Variants in HDAC9 observed in about 807,000 individuals in gnomAD.
HDAC9 encodes the protein histone deacetylase 9.
HDAC9 carries 41 observed loss-of-function variants against 139.4 expected under a neutral mutation model. The ratio of observed to expected loss-of-function variants is 0.29; its 90% CI spans 0.23 to 0.38. The LOEUF (loss-of-function observed/expected upper bound fraction) is 0.38, where lower values mean the gene tolerates loss of function less well. Ranked by LOEUF, HDAC9 falls within the 10% of genes least tolerant of loss-of-function variation. The pLI is 1.00. For missense variants in HDAC9, 1,147 were observed against 1,297.0 expected (o/e 0.88, Z 1.78); for synonymous variants, 517 against 476.2 (o/e 1.09, Z -1.12).
intron 2 of HDAC9, among the ~76,000 whole-genome samples, chr7:18,168,873 T>A (rs111388066): frequency 2.6e-4 from 35 of 135,934 alleles, no homozygotes; most frequent in African/African-American, 1.0e-3. Flanking sequence ...GAGGTGCAAA[T>A]GTCTTGTTTT....
At chr7:18,487,499 C>G (rs939177658) in intron 1 of HDAC9, among the ~76,000 whole-genome samples, 14 of 151,928 alleles carry the variant, frequency 9.2e-5, no homozygotes, top group African/African-American at 3.1e-4. Context: ...GTTCTTGGCA[C>G]TGAAATAAGA....
intron 6 of HDAC9, among the ~76,000 whole-genome samples, chr7:18,604,089 G>A (rs754358346): frequency 2.0e-5 from 3 of 151,926 alleles, no homozygotes; most frequent in Non-Finnish European, 2.9e-5. Flanking sequence ...GATATGTCTC[G>A]ATACTGAGTT....
At chr7:18,554,422 A>G (rs1318244036) in intron 2 of HDAC9, among the ~76,000 whole-genome samples, 4 of 127,598 alleles carry the variant, frequency 3.1e-5, no homozygotes, top group African/African-American at 1.2e-4. Flanking sequence ...TGCAAGCTCC[A>G]CCTCCTGGGT....
At chr7:18,484,073 A>G (rs976099188) in intron 1 of HDAC9, among the ~76,000 whole-genome samples, 49 of 150,780 alleles carry the variant, frequency 3.2e-4, no homozygotes, top group African/African-American at 1.1e-3. Flanking sequence ...GGGGCTGGGC[A>G]TGGTGGCCAC....
chr7:18,140,208 G>A (rs980300240), intron 1 of HDAC9, among the ~76,000 whole-genome samples: 3 of 152,040 alleles, frequency 2.0e-5, no homozygotes, highest in African/African-American at 7.2e-5. Context: ...CTTCTACCTG[G>A]GAAAGGACCT....
chr7:18,908,033 A>G (rs1383147397), intron 22 of HDAC9, among the ~76,000 whole-genome samples: 1 of 152,148 alleles, frequency 6.6e-6, no homozygotes, highest in East Asian at 1.9e-4. Context: ...GCCTCTTACA[A>G]TATAGTAGAA....
At chr7:18,162,633 A>G (rs1449650311) in intron 2 of HDAC9, 5 of 426,566 alleles carry the variant, frequency 1.2e-5, no homozygotes, top group Non-Finnish European at 2.1e-5. Context: ...TGAAGTTATG[A>G]ATATGAACTA....
At chr7:18,360,329 A>G (rs1229676904) in intron 1 of HDAC9, among the ~76,000 whole-genome samples, 4 of 152,004 alleles carry the variant, frequency 2.6e-5, no homozygotes, top group Non-Finnish European at 5.9e-5. Flanking sequence ...GTACTGTCGT[A>G]CTCCTTCAGT....
chr7:18,347,860 A>G (rs1342041652), intron 1 of HDAC9, among the ~76,000 whole-genome samples: 1 of 152,196 alleles, frequency 6.6e-6, no homozygotes, highest in Non-Finnish European at 1.5e-5. Flanking sequence ...AACAGGCACG[A>G]GCCACTGCAC....
chr7:18,321,458 G>A (rs536742609), intron 1 of HDAC9, among the ~76,000 whole-genome samples: 1 of 152,278 alleles, frequency 6.6e-6, no homozygotes, highest in Non-Finnish European at 1.5e-5. Flanking sequence ...CTAAATAGGT[G>A]ATATGCCTTT....
chr7:18,699,055 C>A (rs918217266), intron 12 of HDAC9, among the ~76,000 whole-genome samples: 1 of 152,126 alleles, frequency 6.6e-6, no homozygotes, highest in Non-Finnish European at 1.5e-5. Flanking sequence ...CTCAAAAGCA[C>A]ACCAAAAAGT....
intron 1 of HDAC9, among the ~76,000 whole-genome samples, chr7:18,473,622 A>G (rs1014620531): frequency 1.3e-5 from 2 of 152,240 alleles, no homozygotes; most frequent in African/African-American, 4.8e-5. Context: ...TAAGGTAAAG[A>G]TAAAAGACAA....
intron 22 of HDAC9, among the ~76,000 whole-genome samples, chr7:18,893,543 A>G (rs1017048532): frequency 6.6e-6 from 1 of 152,130 alleles, no homozygotes; most frequent in Non-Finnish European, 1.5e-5. Context: ...TGGTTATTTA[A>G]ATTTAACTTA....
intron 22 of HDAC9, among the ~76,000 whole-genome samples, chr7:18,921,768 C>T (rs1803754626): frequency 6.6e-6 from 1 of 152,046 alleles, no homozygotes; most frequent in Admixed American, 6.6e-5. Flanking sequence ...GCTATAAAGA[C>T]ACATGTACAC....
chr7:18,431,070 C>T (rs1052216021), intron 1 of HDAC9, among the ~76,000 whole-genome samples: 11 of 152,124 alleles, frequency 7.2e-5, no homozygotes, highest in Non-Finnish European at 1.2e-4. Flanking sequence ...CTGTCCAGTC[C>T]AGTCCTGTCC....
chr7:18,615,864 C>T (rs1838433486), intron 6 of HDAC9, among the ~76,000 whole-genome samples: 1 of 152,146 alleles, frequency 6.6e-6, no homozygotes, highest in Admixed American at 6.6e-5. Flanking sequence ...AACTTAGTTG[C>T]CTAAACCAAT....
chr7:18,868,082 G>A (rs1585186565), intron 21 of HDAC9, among the ~76,000 whole-genome samples: 2 of 152,140 alleles, frequency 1.3e-5, no homozygotes, highest in African/African-American at 4.8e-5. Context: ...GTTTCGTTAA[G>A]AGTCTTCTAT....
intron 1 of HDAC9, among the ~76,000 whole-genome samples, chr7:18,455,975 G>A (rs1345057579): frequency 1.3e-5 from 2 of 152,238 alleles, no homozygotes; most frequent in East Asian, 3.9e-4. Flanking sequence ...AAAAGAAACA[G>A]AAGAAGCTTT....
intron 2 of HDAC9, among the ~76,000 whole-genome samples, chr7:18,220,887 C>T (rs1259969883): frequency 1.3e-5 from 2 of 152,136 alleles, no homozygotes; most frequent in African/African-American, 4.8e-5. Context: ...CACTTATTTC[C>T]TACTCAAGAA....
Sources: allele counts gnomAD v4.1 joint callset (sites outside exome capture counted in the v4.1 genomes callset), GRCh38; gene constraint gnomAD v4.1.1; transcripts MANE v1.5; gene names NCBI Gene and HGNC (gene_info 2026-07-23, HGNC 2026-07-21).